Variants in RIMS1 observed in about 807,000 individuals in gnomAD.
RIMS1 encodes regulating synaptic membrane exocytosis 1.
RIMS1 carries 83 observed loss-of-function variants against 214.1 expected under a neutral mutation model. The observed-to-expected ratio is 0.39, with a 90% CI of 0.32 to 0.47. RIMS1 has a LOEUF of 0.47. RIMS1 is among the 20% of genes least tolerant of loss of function. RIMS1 has a pLI of 0.99. For missense variants in RIMS1, 2,050 were observed against 2,161.8 expected (o/e 0.95, Z 1.03); for synonymous variants, 793 against 786.8 (o/e 1.01, Z -0.13).
chr6:72,353,070 A>G (rs1382434185), intron 29 of RIMS1, among the ~76,000 whole-genome samples: 1 of 137,740 alleles, frequency 7.3e-6, no homozygotes, highest in African/African-American at 2.7e-5. Flanking sequence ...GGCTCACTGC[A>G]ACTTCCGTCT....
At chr6:72,357,714 A>AT (rs1471219818) in intron 29 of RIMS1, among the ~76,000 whole-genome samples, 1 of 152,092 alleles carries the variant, frequency 6.6e-6, no homozygotes, top group African/African-American at 2.4e-5. Flanking sequence ...TCTTTACTTG[A>AT]TTTTTACATA....
chr6:71,932,481 G>A (rs915881611), intron 1 of RIMS1, among the ~76,000 whole-genome samples: 1 of 152,104 alleles, frequency 6.6e-6, no homozygotes, highest in Non-Finnish European at 1.5e-5. Context: ...TCAGAGGGTT[G>A]AGGGTGGGAG....
chr6:72,134,706 G>T (rs542913690), intron 4 of RIMS1, among the ~76,000 whole-genome samples: 1 of 152,154 alleles, frequency 6.6e-6, no homozygotes, highest in East Asian at 1.9e-4. Context: ...AGGTAGGCTA[G>T]TCTATTTTTC....
intron 19 of RIMS1, chr6:72,261,887 A>T: frequency 2.0e-6 from 2 of 985,238 alleles, no homozygotes; most frequent in Non-Finnish European, 1.2e-6. Context: ...AAAAATGTAA[A>T]ATCATGCATA....
At chr6:72,391,102 A>G (rs1180122002) in intron 30 of RIMS1, among the ~76,000 whole-genome samples, 3 of 152,342 alleles carry the variant, frequency 2.0e-5, no homozygotes, top group Admixed American at 6.5e-5. Context: ...GTTAAAATTT[A>G]TAAGTAAGGA....
intron 2 of RIMS1, among the ~76,000 whole-genome samples, chr6:72,003,289 T>G (rs138531321): frequency 3.9e-5 from 6 of 152,304 alleles, no homozygotes; most frequent in Non-Finnish European, 7.4e-5. Flanking sequence ...CACCCTTACC[T>G]AAACTTTTCC....
At chr6:72,045,580 A>G (rs1822753528) in intron 2 of RIMS1, among the ~76,000 whole-genome samples, 1 of 152,030 alleles carries the variant, frequency 6.6e-6, no homozygotes, top group Non-Finnish European at 1.5e-5. Context: ...AAACAAGTTT[A>G]ATGCTTTTGT....
intron 16 of RIMS1, among the ~76,000 whole-genome samples, chr6:72,257,764 G>A (rs2076472479): frequency 6.6e-6 from 1 of 152,138 alleles, no homozygotes; most frequent in African/African-American, 2.4e-5. Context: ...GCATTGACTT[G>A]TATATTAACT....
chr6:72,135,722 C>T (rs2041173442), intron 4 of RIMS1, among the ~76,000 whole-genome samples: 1 of 152,136 alleles, frequency 6.6e-6, no homozygotes, highest in Non-Finnish European at 1.5e-5. Flanking sequence ...AACTTTGTTT[C>T]AATAAGTGAA....
intron 6 of RIMS1, among the ~76,000 whole-genome samples, chr6:72,232,011 A>G (rs1452873531): frequency 6.6e-6 from 1 of 151,704 alleles, no homozygotes; most frequent in Non-Finnish European, 1.5e-5. Context: ...TGAGGGATAC[A>G]ATAAACTTTT....
At chr6:72,033,685 T>C (rs1818797772) in intron 2 of RIMS1, among the ~76,000 whole-genome samples, 1 of 152,088 alleles carries the variant, frequency 6.6e-6, no homozygotes, top group African/African-American at 2.4e-5. Context: ...TTTCACCACG[T>C]TGGCCAGACT....
At chr6:72,220,124 G>T (rs2057899433) in intron 6 of RIMS1, among the ~76,000 whole-genome samples, 1 of 152,002 alleles carries the variant, frequency 6.6e-6, no homozygotes, top group Non-Finnish European at 1.5e-5. Flanking sequence ...TTTCCTAAGT[G>T]CCTGGCTTAA....
At chr6:72,287,314 T>C (rs920258180) in intron 24 of RIMS1, among the ~76,000 whole-genome samples, 1 of 152,228 alleles carries the variant, frequency 6.6e-6, no homozygotes, top group African/African-American at 2.4e-5. Flanking sequence ...GTCCATTCTT[T>C]AACAAGTTGT....
chr6:71,936,419 GT>G (rs1464287170), intron 1 of RIMS1, among the ~76,000 whole-genome samples: 14 of 151,594 alleles, frequency 9.2e-5, no homozygotes, highest in Non-Finnish European at 1.5e-4. Context: ...GAGTAAAAGG[GT>G]TCTGCACCTG....
chr6:72,311,230 A>G (rs1019470200), intron 27 of RIMS1, among the ~76,000 whole-genome samples: 14 of 152,208 alleles, frequency 9.2e-5, no homozygotes, highest in African/African-American at 3.4e-4. Flanking sequence ...CAATAATTAC[A>G]TAGCATCTCT....
intron 4 of RIMS1, among the ~76,000 whole-genome samples, chr6:72,134,511 G>A (rs1038936728): frequency 2.0e-5 from 3 of 152,022 alleles, no homozygotes; most frequent in African/African-American, 7.2e-5. Flanking sequence ...GAACTTAGAA[G>A]TGTAAAAGAA....
At chr6:71,928,210 A>G (rs1045465876) in intron 1 of RIMS1, among the ~76,000 whole-genome samples, 6 of 152,160 alleles carry the variant, frequency 3.9e-5, no homozygotes, top group African/African-American at 1.4e-4. Context: ...GTATACACAT[A>G]TAGGTACAAC....
intron 9 of RIMS1, among the ~76,000 whole-genome samples, chr6:72,240,594 T>C (rs1421331312): frequency 6.7e-6 from 1 of 149,906 alleles, no homozygotes; most frequent in African/African-American, 2.4e-5. Context: ...GCACTCTTAA[T>C]ATATTATAAA....
intron 4 of RIMS1, among the ~76,000 whole-genome samples, chr6:72,109,241 G>A (rs1384570091): frequency 2.0e-5 from 3 of 152,082 alleles, no homozygotes; most frequent in Non-Finnish European, 2.9e-5. Context: ...GGGTCAAATG[G>A]TATTTCTAGT....
Sources: allele counts gnomAD v4.1 joint callset (sites outside exome capture counted in the v4.1 genomes callset), GRCh38; gene constraint gnomAD v4.1.1; transcripts MANE v1.5; gene names NCBI Gene and HGNC (gene_info 2026-07-23, HGNC 2026-07-21).